The following CACNB4 variants were observed in gnomAD, a reference collection of about 807,000 sequenced individuals.
CACNB4 encodes voltage-dependent L-type calcium channel subunit beta-4.
A neutral mutation model predicts 71.2 loss-of-function variants in CACNB4; 32 were observed. The ratio of observed to expected loss-of-function variants is 0.45; its 90% CI spans 0.34 to 0.60. CACNB4 has a LOEUF of 0.60. CACNB4 is among the 20% of genes least tolerant of loss of function. CACNB4 has a pLI of 0.01. For missense variants in CACNB4, 464 were observed against 647.9 expected, an observed-to-expected ratio of 0.72 and a Z score of 3.08; for synonymous variants, 231 against 236.9, an observed-to-expected ratio of 0.97 and a Z score of 0.23.
At chr2:151,953,271 G>C (rs889943825) in intron 2 of CACNB4, among the ~76,000 whole-genome samples, 4 of 152,122 alleles carry the variant, frequency 2.6e-5, no homozygotes, top group Non-Finnish European at 5.9e-5. Context: ...ACCTGCTGGT[G>C]TGGGTCCCAC....
Position 151,838,989 on chromosome 2 carries a change from TAGCA to T in CACNB4, c.*126_*129del. On this transcript the variant is annotated 3_prime_UTR_variant, in exon 14 of 14. Transcript: ENST00000539935. ...GTAATTTTTTTTTTTGCCCCTTACTTAGCATAAAATGACAGCAGCCCATTAGCAC... is the reference window on the plus strand; with the variant it reads ...GTAATTTTTTTTTTTGCCCCTTACTTTAAAATGACAGCAGCCCATTAGCAC... 1 of 750,592 alleles carries T rather than the reference TAGCA, an allele frequency of 1.3e-6. No homozygotes were observed. Among genetic ancestry groups the T allele is most frequent in the Non-Finnish European group, 2.1e-6 (1 of 477,436 alleles). The allele number at this position is 750,592 out of a possible 1,614,324, so 46.5% of individuals were successfully genotyped here. A position where few individuals can be genotyped will look rare whatever the true frequency, so the allele number is the denominator to read the frequency against.
intron 2 of CACNB4, among the ~76,000 whole-genome samples, chr2:151,894,144 G>A (rs1578678404): frequency 6.6e-6 from 1 of 152,136 alleles, no homozygotes; most frequent in Non-Finnish European, 1.5e-5. Context: ...TTGGGCAACA[G>A]ATCAAAACTC....
chr2:152,095,836 T>C (rs924858415), intron 2 of CACNB4, among the ~76,000 whole-genome samples: 24 of 152,176 alleles, frequency 1.6e-4, no homozygotes, highest in African/African-American at 5.8e-4. Context: ...GTATTTTTAG[T>C]ACAGTCGGGG....
chr2:152,043,510 A>T (rs1039750472), intron 2 of CACNB4, among the ~76,000 whole-genome samples: 7 of 152,112 alleles, frequency 4.6e-5, no homozygotes, highest in Non-Finnish European at 1.0e-4. Flanking sequence ...TTTTGTAGAG[A>T]TGAGGTCTTG....
intron 2 of CACNB4, among the ~76,000 whole-genome samples, chr2:152,002,242 C>A (rs1682467029): frequency 6.6e-6 from 1 of 152,294 alleles, no homozygotes. Context: ...GTTCCTCTGT[C>A]CTCTTTCGTC....
intron 2 of CACNB4, among the ~76,000 whole-genome samples, chr2:152,013,788 A>T (rs1196511886): frequency 6.6e-6 from 1 of 152,194 alleles, no homozygotes; most frequent in Non-Finnish European, 1.5e-5. Flanking sequence ...GCTACTACTC[A>T]TTATGGGATG....
At chr2:151,971,701 C>A in intron 2 of CACNB4, 1 of 674,030 alleles carries the variant, frequency 1.5e-6, no homozygotes, top group Non-Finnish European at 2.7e-6. Context: ...TCACATTATT[C>A]TTCCTTATAA....
chr2:152,069,300 A>C (rs1579238222), intron 2 of CACNB4, among the ~76,000 whole-genome samples: 1 of 152,170 alleles, frequency 6.6e-6, no homozygotes. Flanking sequence ...ACCTGCATAC[A>C]TGCTATCACA....
intron 3 of CACNB4, among the ~76,000 whole-genome samples, chr2:151,882,123 C>T (rs191980481): frequency 0.021 from 2,563 of 121,354 alleles, 71 homozygotes; most frequent in African/African-American, 0.063. Context: ...TCATGATCTG[C>T]CCGCCTCGGC....
At chr2:151,975,272 G>C (rs2099873586) in intron 2 of CACNB4, among the ~76,000 whole-genome samples, 1 of 152,186 alleles carries the variant, frequency 6.6e-6, no homozygotes, top group Non-Finnish European at 1.5e-5. Flanking sequence ...TCTCTGAAAA[G>C]CGTAACTCTT....
intron 2 of CACNB4, among the ~76,000 whole-genome samples, chr2:152,067,388 T>TG (rs56725916): frequency 0.023 from 3,133 of 136,840 alleles, 109 homozygotes; most frequent in African/African-American, 0.072. Context: ...TGTGTGTGTG[T>TG]GGGGGGGGGG....
intron 2 of CACNB4, among the ~76,000 whole-genome samples, chr2:152,050,161 T>C (rs1001965007): frequency 6.6e-6 from 1 of 152,238 alleles, no homozygotes; most frequent in African/African-American, 2.4e-5. Context: ...AGTGACATAG[T>C]GTGCTGGGCC....
At chr2:151,983,389 T>C (rs1159881453) in intron 2 of CACNB4, among the ~76,000 whole-genome samples, 1 of 152,160 alleles carries the variant, frequency 6.6e-6, no homozygotes, top group African/African-American at 2.4e-5. Context: ...GGATGGAAAA[T>C]TAGTTGGAGC....
intron 2 of CACNB4, among the ~76,000 whole-genome samples, chr2:152,045,520 G>A (rs1685101207): frequency 6.6e-6 from 1 of 152,088 alleles, no homozygotes; most frequent in African/African-American, 2.4e-5. Flanking sequence ...GGAGCTGGGA[G>A]GAGGAGCAAA....
At chr2:151,995,392 A>C (rs1413988749) in intron 2 of CACNB4, among the ~76,000 whole-genome samples, 1 of 152,260 alleles carries the variant, frequency 6.6e-6, no homozygotes, top group Non-Finnish European at 1.5e-5. Context: ...GCACAAAAAG[A>C]AGCAGAATAC....
intron 2 of CACNB4, among the ~76,000 whole-genome samples, chr2:152,060,812 T>C (rs1018641418): frequency 2.0e-5 from 3 of 152,190 alleles, no homozygotes; most frequent in Admixed American, 6.5e-5. Context: ...CAGTCTTATA[T>C]GAAAATATCA....
At position 151,837,868 on chromosome 2, in the gene CACNB4, A is replaced by C. The variant is rs2099835231; in HGVS notation, c.*1251T>G. ...AATTTTAGTCAACAAATATTTGCTG[A>C]ATCTATGAGTTTATTTTTTACTGCA... On this transcript the variant is annotated 3_prime_UTR_variant, in exon 14 of 14. Coordinates refer to ENST00000539935, the MANE Select transcript of CACNB4 (RefSeq NM_000726.5). 1.3e-5 allele frequency: 2 copies of C among 152,164 alleles called. No individual in the cohort carries two copies. The highest frequency in any genetic ancestry group is 4.1e-4 in the South Asian group (2 of 4,836). 9.4% of individuals were successfully genotyped at this position (152,164 alleles called of 1,614,324 possible).
In CACNB4 at chr2:152,098,570, A is replaced by ACCCCCCCCCCCCCC; in HGVS notation, c.64-158_64-157insGGGGGGGGGGGGGG. The ACCCCCCCCCCCCCC allele has an allele frequency of 2.5e-6, 1 of 407,382 alleles. No homozygotes were observed. Among genetic ancestry groups the ACCCCCCCCCCCCCC allele is most frequent in the Non-Finnish European group, 4.7e-6 (1 of 212,554 alleles). 25.2% of individuals were successfully genotyped at this position (407,382 alleles called of 1,614,324 possible). A position where few individuals can be genotyped will look rare whatever the true frequency, so the allele number is the denominator to read the frequency against. ...TCCGCGACTCCCAAATACAGCCCCC[A>ACCCCCCCCCCCCCC]CCCCCACCCACCCACTGCAAGCCTC... On this transcript the variant is annotated intron_variant, in intron 1 of 13. Transcript: ENST00000539935. This position sits in a 1 kb window ranked among gnomAD's most constrained non-coding sequence, Gnocchi z 5.3.
At chr2:151,894,589 G>C (rs1035591793) in intron 2 of CACNB4, among the ~76,000 whole-genome samples, 6 of 152,042 alleles carry the variant, frequency 3.9e-5, no homozygotes, top group African/African-American at 1.4e-4. Flanking sequence ...GAAATAAAAG[G>C]CATCCAGATG....
Sources: gnomAD v4.1 joint callset for allele counts (sites outside exome capture counted in the v4.1 genomes callset) on GRCh38, gnomAD v4.1.1 for gene constraint, Gnocchi (gnomAD v3.1) non-coding constraint, MANE v1.5 for transcripts, NCBI Gene and HGNC (gene_info 2026-07-23, HGNC 2026-07-21) for gene names.